PSD3: variants seen among roughly 807,000 people sequenced by gnomAD.
PSD3 encodes the protein PH and SEC7 domain-containing protein 3.
PSD3 carries 49 observed loss-of-function variants against 105.5 expected under a neutral mutation model. That is an observed-to-expected ratio of 0.46 (90% CI 0.37 to 0.59). The LOEUF (loss-of-function observed/expected upper bound fraction) is 0.59, where lower values mean the gene tolerates loss of function less well. Ranked by LOEUF, PSD3 falls within the 20% of genes least tolerant of loss-of-function variation. The probability of loss-of-function intolerance (pLI) is 0.00; values close to 1 mark genes in which losing one functional copy is unlikely to be tolerated. For synonymous variants in PSD3, 557 were observed against 457.8 expected (o/e 1.22, Z -2.77); for missense variants, 1,561 against 1,263.8 (o/e 1.24, Z -3.57).
At chr8:18,767,756 T>C (rs1807142437) in intron 8 of PSD3, among the ~76,000 whole-genome samples, 1 of 151,170 alleles carries the variant, frequency 6.6e-6, no homozygotes, top group East Asian at 2.0e-4. Flanking sequence ...TCAAAACAGA[T>C]AAATAAATAA....
chr8:18,708,299 T>C lies in PSD3; in HGVS notation c.2173-52614A>G, dbSNP rs557339473. 6.6e-4 allele frequency among the ~76,000 whole-genome samples: 100 copies of C among 152,308 alleles called. 1 individual carries two copies. Among genetic ancestry groups the C allele is most frequent in the Admixed American group, 1.8e-3 (28 of 15,304 alleles). On this transcript the variant is annotated intron_variant, in intron 9 of 15. Transcript: ENST00000327040. ...GAGTAACAGTAATTCCTCTACATTG[T>C]ATGGAAGGGCCAAATAAGAGACTGT...
At position 18,872,527 on chromosome 8, in the gene PSD3, C is replaced by G. The variant is rs761119207; in HGVS notation, c.337G>C (p.Asp113His). Residue 113 changes from aspartate to histidine, a missense_variant, in exon 3 of 16, where the codon GAT becomes CAT. Physicochemically the swap from Asp to His is moderately conservative, Grantham distance 81. Coordinates refer to ENST00000327040, the MANE Select transcript of PSD3 (RefSeq NM_015310.4). Reference protein sequence around the residue: ...GLDSVTEGPKDVREAPSQSHL... With the variant: ...GLDSVTEGPKHVREAPSQSHL... The stretch of plus-strand genomic sequence containing the variant: ...CTTTGAGAGGGGGCCTCTCTGACAT[C>G]TTTTGGTCCTTCTGTAACACTGTCG... 6.2e-7 allele frequency: 1 copy of G among 1,614,080 alleles called. No individual in the cohort carries two copies. Among genetic ancestry groups the G allele is most frequent in the Non-Finnish European group, 8.5e-7 (1 of 1,179,994 alleles).
At chr8:18,632,860 G>C (rs1048588590) in intron 10 of PSD3, 54 bp from the exon 11 acceptor site, 2 of 1,356,684 alleles carry the variant, frequency 1.5e-6, no homozygotes, top group South Asian at 2.9e-5. Flanking sequence ...AATATTCAAA[G>C]AAAAAGGTAA....
At chr8:18,996,715 C>T (rs935634403) in intron 1 of PSD3, among the ~76,000 whole-genome samples, 1 of 151,862 alleles carries the variant, frequency 6.6e-6, no homozygotes, top group Non-Finnish European at 1.5e-5. Context: ...AGCTACATTT[C>T]TCACATTCTC....
chr8:18,561,534 G>A (rs1801397445), intron 14 of PSD3, among the ~76,000 whole-genome samples: 1 of 152,130 alleles, frequency 6.6e-6, no homozygotes, highest in Admixed American at 6.6e-5. Context: ...AAATTCTGTT[G>A]TGTATCATGA....
intron 14 of PSD3, among the ~76,000 whole-genome samples, chr8:18,564,003 T>C (rs1309818870): frequency 6.6e-6 from 1 of 152,106 alleles, no homozygotes; most frequent in Admixed American, 6.5e-5. Flanking sequence ...ACAATTCACA[T>C]ACCATAAAAA....
At chr8:18,839,068 G>A (rs375777951) in intron 4 of PSD3, among the ~76,000 whole-genome samples, 1 of 151,578 alleles carries the variant, frequency 6.6e-6, no homozygotes, top group African/African-American at 2.4e-5. Flanking sequence ...TTTAAAAAGG[G>A]AACTAAAGCT....
chr8:18,756,884 C>G (rs1052924325), intron 9 of PSD3, among the ~76,000 whole-genome samples: 1 of 148,860 alleles, frequency 6.7e-6, no homozygotes, highest in African/African-American at 2.4e-5. Context: ...AACACTAAGA[C>G]AGGCTTAGAG....
chr8:18,595,124 A>G (rs1269959907), intron 12 of PSD3, among the ~76,000 whole-genome samples: 1 of 152,036 alleles, frequency 6.6e-6, no homozygotes, highest in Non-Finnish European at 1.5e-5. Context: ...GTGACGGAGT[A>G]AAAGTATAGT....
intron 2 of PSD3, among the ~76,000 whole-genome samples, chr8:18,873,005 T>C (rs989024652): frequency 1.3e-5 from 2 of 152,176 alleles, no homozygotes; most frequent in African/African-American, 4.8e-5. Context: ...TGATGTCCCA[T>C]ACATGAGGAT....
intron 9 of PSD3, among the ~76,000 whole-genome samples, chr8:18,692,218 A>T (rs1801009675): frequency 6.6e-6 from 1 of 152,186 alleles, no homozygotes; most frequent in Non-Finnish European, 1.5e-5. Context: ...TATTATGCAA[A>T]TCCAGAGAGA....
chr8:18,826,779 C>T (rs967856145), intron 4 of PSD3, among the ~76,000 whole-genome samples: 1 of 152,186 alleles, frequency 6.6e-6, no homozygotes, highest in South Asian at 2.1e-4. Context: ...TCATTTTGTA[C>T]TCAACACTGA....
rs563365099 is a variant in PSD3 at position 18,751,251 on chromosome 8, G to A, written c.2172+14198C>T. Among the ~76,000 whole-genome samples, 14 of 152,280 alleles carry A rather than the reference G, an allele frequency of 9.2e-5. No homozygotes were observed. In the South Asian group the frequency reaches 2.5e-3, roughly 27 times the overall value. ...GCGCTGGTGGGCCGGCACTGCTGGGGGACCCAGTACACCCTCCGCAGCCGC... is the reference window on the plus strand; with the variant it reads ...GCGCTGGTGGGCCGGCACTGCTGGGAGACCCAGTACACCCTCCGCAGCCGC... On this transcript the variant is annotated intron_variant, in intron 9 of 15. Coordinates refer to ENST00000327040, the MANE Select transcript of PSD3 (RefSeq NM_015310.4).
At chr8:18,776,940 T>C (rs115441040) in intron 8 of PSD3, among the ~76,000 whole-genome samples, 2 of 152,164 alleles carry the variant, frequency 1.3e-5, no homozygotes, top group East Asian at 3.9e-4. Context: ...AATGATTTTG[T>C]GTTTCTTTGT....
chr8:19,022,291 C>T (rs1827387889), intron 1 of PSD3, among the ~76,000 whole-genome samples: 1 of 152,182 alleles, frequency 6.6e-6, no homozygotes, highest in South Asian at 2.1e-4. Flanking sequence ...GACAAACATC[C>T]AAACCATATT....
At chr8:18,557,304 C>G (rs1801141087) in intron 14 of PSD3, among the ~76,000 whole-genome samples, 1 of 151,916 alleles carries the variant, frequency 6.6e-6, no homozygotes, top group East Asian at 1.9e-4. Flanking sequence ...TTATATAACA[C>G]CAACATAATT....
intron 1 of PSD3, among the ~76,000 whole-genome samples, chr8:18,950,977 T>C (rs1321472005): frequency 1.3e-5 from 2 of 152,226 alleles, no homozygotes; most frequent in South Asian, 2.1e-4. Context: ...GATTGCTAGA[T>C]TGAATCAGAT....
At chr8:18,786,916 C>A (rs1423311407) in intron 8 of PSD3, 1 of 152,204 alleles carries the variant, frequency 6.6e-6, no homozygotes, top group Admixed American at 6.5e-5. Flanking sequence ...TATTTAAACA[C>A]ATTCCTTCCA....
intron 10 of PSD3, among the ~76,000 whole-genome samples, chr8:18,635,803 A>G (rs146277001): frequency 0.012 from 1,685 of 144,916 alleles, 30 homozygotes; most frequent in African/African-American, 0.041. Flanking sequence ...CAAACACCAC[A>G]TGTTCTCACT....
Sources: allele counts gnomAD v4.1 joint callset (sites outside exome capture counted in the v4.1 genomes callset), GRCh38; gene constraint gnomAD v4.1.1; transcripts MANE v1.5; gene names NCBI Gene and HGNC (gene_info 2026-07-23, HGNC 2026-07-21).